Variants in RABGAP1L observed in about 807,000 individuals in gnomAD.
RABGAP1L encodes the protein rab GTPase-activating protein 1-like.
A neutral mutation model predicts 137.7 loss-of-function variants in RABGAP1L; 63 were observed. The observed-to-expected ratio is 0.46, with a 90% CI of 0.37 to 0.56. The LOEUF is 0.56. RABGAP1L is among the 20% of genes least tolerant of loss of function. RABGAP1L has a pLI of 0.00. For missense variants in RABGAP1L, 1,095 were observed against 1,244.0 expected, an observed-to-expected ratio of 0.88 and a Z score of 1.80; for synonymous variants, 431 against 433.7, an observed-to-expected ratio of 0.99 and a Z score of 0.08.
At chr1:174,880,244 A>C (rs754078386) in intron 19 of RABGAP1L, among the ~76,000 whole-genome samples, 1 of 152,170 alleles carries the variant, frequency 6.6e-6, no homozygotes, top group Non-Finnish European at 1.5e-5. Context: ...ACTATAACTG[A>C]ATCAGGATAG....
chr1:174,437,563 A>G (rs533886242), intron 13 of RABGAP1L, among the ~76,000 whole-genome samples: 29 of 152,342 alleles, frequency 1.9e-4, no homozygotes, highest in African/African-American at 7.0e-4. Flanking sequence ...GAAATATGGG[A>G]CTATGTGAGA....
At chr1:174,219,369 G>A (rs920483484) in intron 2 of RABGAP1L, 74 bp downstream of exon 2, 1 of 1,079,688 alleles carries the variant, frequency 9.3e-7, no homozygotes, top group African/African-American at 1.7e-5. Flanking sequence ...TGTGTAAAAT[G>A]CAAAGGTTTT....
At chr1:174,241,048 C>T (rs779281240) in intron 4 of RABGAP1L, among the ~76,000 whole-genome samples, 5 of 151,988 alleles carry the variant, frequency 3.3e-5, no homozygotes, top group African/African-American at 4.8e-5. Context: ...TGGCCAGATG[C>T]GGGGGCTCAC....
rs1309366772 is a variant in RABGAP1L at position 174,877,385 on chromosome 1, A to G, written c.2340+65425A>G. On this transcript the variant is annotated intron_variant, in intron 19 of 25. Coordinates refer to ENST00000681986, the MANE Select transcript of RABGAP1L (RefSeq NM_001366446.1). The stretch of plus-strand genomic sequence containing the variant: ...GGATTTTTGACACTCCACCCCCTCG[A>G]ACTCAGGTGGGTGTGTACACTGGCA... 3.9e-6 allele frequency: 6 copies of G among 1,540,426 alleles called. No homozygotes were observed. The East Asian group carries it at 9.6e-5, about 25-fold the overall frequency.
rs576476803 is a variant in RABGAP1L, at chr1:174,879,260, C to G, written c.2340+67300C>G. On this transcript the variant is annotated intron_variant, in intron 19 of 25. Coordinates refer to ENST00000681986, the MANE Select transcript of RABGAP1L (RefSeq NM_001366446.1). Reference sequence around the variant, plus strand: ...GGACTACAGGTGCACACCACCATGCCCAGCTAATTTTTGTATTTTAGTAGA... The same window carrying G: ...GGACTACAGGTGCACACCACCATGCGCAGCTAATTTTTGTATTTTAGTAGA... Among the ~76,000 whole-genome samples the G allele has an allele frequency of 1.3e-5, 2 of 152,226 alleles. 1 individual carries two copies. The highest frequency in any genetic ancestry group is 4.8e-5 in the African/African-American group (2 of 41,532).
At chr1:174,606,242 G>A (rs543629215) in intron 13 of RABGAP1L, among the ~76,000 whole-genome samples, 1 of 152,194 alleles carries the variant, frequency 6.6e-6, no homozygotes, top group African/African-American at 2.4e-5. Context: ...ATTACAAATG[G>A]CTAAGTGTAG....
At chr1:174,817,941 A>G (rs1479759881) in intron 19 of RABGAP1L, among the ~76,000 whole-genome samples, 1 of 152,246 alleles carries the variant, frequency 6.6e-6, no homozygotes, top group African/African-American at 2.4e-5. Flanking sequence ...TACTTAAGCA[A>G]CTTGGTGGAA....
At chr1:174,685,273 G>T (rs1019604838) in intron 15 of RABGAP1L, among the ~76,000 whole-genome samples, 10 of 152,050 alleles carry the variant, frequency 6.6e-5, no homozygotes, top group African/African-American at 2.4e-4. Flanking sequence ...TTTCTTTAGA[G>T]ACAGAGTCTC....
chr1:174,319,170 G>A (rs1014972265), intron 11 of RABGAP1L, among the ~76,000 whole-genome samples: 20 of 151,966 alleles, frequency 1.3e-4, no homozygotes, highest in Non-Finnish European at 2.5e-4. Flanking sequence ...GAACTCTTTA[G>A]CATTTCTTGT....
intron 14 of RABGAP1L, among the ~76,000 whole-genome samples, chr1:174,644,615 A>T (rs1349045793): frequency 6.6e-6 from 1 of 152,030 alleles, no homozygotes; most frequent in African/African-American, 2.4e-5. Context: ...GTGCCTCCTG[A>T]ATTATGATTT....
Position 174,286,328 on chromosome 1 carries a change from T to G in RABGAP1L, c.1323+7549T>G, listed in dbSNP as rs189334218. Among the ~76,000 whole-genome samples, 13 of 152,302 alleles carry G rather than the reference T, an allele frequency of 8.5e-5. No homozygotes were observed. The East Asian group carries it at 2.5e-3, about 29-fold the overall frequency. ...ATGTTTCCAGGAATTTATTTATTATTCTAGGTTATCCATTTTGTTGCCATA... is the reference window on the plus strand; with the variant it reads ...ATGTTTCCAGGAATTTATTTATTATGCTAGGTTATCCATTTTGTTGCCATA... On this transcript the variant is annotated intron_variant, in intron 10 of 25. Transcript: ENST00000681986.
In RABGAP1L at chr1:174,560,306, G is replaced by A. The variant is rs540073802; in HGVS notation, c.1711-77069G>A. Among the ~76,000 whole-genome samples, 27 of 152,252 alleles carry A rather than the reference G, an allele frequency of 1.8e-4. No individual in the cohort carries two copies. The South Asian group carries it at 5.2e-3, about 29-fold the overall frequency. On this transcript the variant is annotated intron_variant, in intron 13 of 25. Transcript: ENST00000681986. ...TCACCCCCTCAGAATATACCCAAGT[G>A]TAGTATTCATGGTAGTCCCATATAT...
chr1:174,302,037 T>TCCC (rs1677757910), intron 10 of RABGAP1L, among the ~76,000 whole-genome samples: 1 of 152,202 alleles, frequency 6.6e-6, no homozygotes, highest in Non-Finnish European at 1.5e-5. Context: ...CCACTGTCAA[T>TCCC]ATAAAGATCC....
intron 13 of RABGAP1L, among the ~76,000 whole-genome samples, chr1:174,551,019 T>TATATATATATATATATAC (rs1553330337): frequency 5.2e-5 from 6 of 116,028 alleles, no homozygotes; most frequent in African/African-American, 2.3e-4. Flanking sequence ...TATATATATA[T>TATATATATATATATATAC]ATACATACAC....
At chr1:174,948,923 T>A (rs1424005726) in intron 19 of RABGAP1L, 1 of 152,200 alleles carries the variant, frequency 6.6e-6, no homozygotes, top group Non-Finnish European at 1.5e-5. Flanking sequence ...TATATGTATA[T>A]TCATTTTTAA....
At chr1:174,843,990 A>G (rs1275899099) in intron 19 of RABGAP1L, among the ~76,000 whole-genome samples, 9 of 140,420 alleles carry the variant, frequency 6.4e-5, no homozygotes, top group Non-Finnish European at 1.2e-4. Context: ...GATGATGAGC[A>G]TTTTTTCATG....
chr1:174,642,651 C>G (rs895557348), intron 14 of RABGAP1L, among the ~76,000 whole-genome samples: 1 of 151,396 alleles, frequency 6.6e-6, no homozygotes, highest in African/African-American at 2.4e-5. Context: ...CTCCTCTCCT[C>G]TCCCCACCCT....
intron 1 of RABGAP1L, among the ~76,000 whole-genome samples, chr1:174,176,599 C>G (rs1166270622): frequency 6.6e-6 from 1 of 150,784 alleles, no homozygotes; most frequent in Non-Finnish European, 1.5e-5. Context: ...GTAGTCCCAA[C>G]TACTTGGGAG....
At chr1:174,963,210 T>G (rs997200071) in intron 20 of RABGAP1L, among the ~76,000 whole-genome samples, 1 of 152,214 alleles carries the variant, frequency 6.6e-6, no homozygotes, top group Non-Finnish European at 1.5e-5. Flanking sequence ...TGAAATAATG[T>G]GCTTTTAAGG....
Sources: gnomAD v4.1 joint callset for allele counts (sites outside exome capture counted in the v4.1 genomes callset) on GRCh38, gnomAD v4.1.1 for gene constraint, MANE v1.5 for transcripts, NCBI Gene and HGNC (gene_info 2026-07-23, HGNC 2026-07-21) for gene names.